The following DTNBP1 variants were observed in gnomAD, a reference collection of about 807,000 sequenced individuals.
DTNBP1 encodes dysbindin.
In DTNBP1, 35 loss-of-function variants were observed where a neutral mutation model predicts 42.8. The observed-to-expected ratio is 0.82, with a 90% confidence interval of 0.63 to 1.09. The LOEUF is 1.09. Ranked by LOEUF, DTNBP1 falls within the 50% of genes least tolerant of loss-of-function variation. DTNBP1 has a pLI of 0.00. For missense variants in DTNBP1, 457 were observed against 424.2 expected (o/e 1.08, Z -0.68); for synonymous variants, 171 against 162.2 (o/e 1.05, Z -0.41).
rs143038438 is a variant in DTNBP1, at chr6:15,630,106, G to C, written c.223-2631C>G. 8.5e-3 allele frequency among the ~76,000 whole-genome samples: 1,298 copies of C among 152,194 alleles called. 22 individuals are homozygous for C. Among genetic ancestry groups the C allele is most frequent in the African/African-American group, 0.029 (1,216 of 41,494 alleles). On this transcript the variant is annotated intron_variant, in intron 4 of 9. Coordinates refer to ENST00000344537, the MANE Select transcript of DTNBP1 (RefSeq NM_032122.5). ...GTGCTTTATTCCAAAATTCTTTCTG[G>C]ATATTGAGGTTAGGAGAAGGAAGAA...
chr6:15,547,667 C>T (rs1033407036), intron 7 of DTNBP1, among the ~76,000 whole-genome samples: 6 of 152,156 alleles, frequency 3.9e-5, no homozygotes, highest in Non-Finnish European at 5.9e-5. Context: ...GTGACAATAA[C>T]GGATAAGCCC....
At chr6:15,634,538 G>A (rs548455816) in intron 4 of DTNBP1, among the ~76,000 whole-genome samples, 18 of 152,102 alleles carry the variant, frequency 1.2e-4, no homozygotes, top group Non-Finnish European at 2.1e-4. Flanking sequence ...GGCTGGTCTC[G>A]AACTCCTGAC....
At chr6:15,528,043 C>A (rs944922457) in intron 8 of DTNBP1, among the ~76,000 whole-genome samples, 3 of 152,162 alleles carry the variant, frequency 2.0e-5, no homozygotes, top group Non-Finnish European at 4.4e-5. Flanking sequence ...GATCCAATAC[C>A]ACTAAGAGGT....
intron 5 of DTNBP1, among the ~76,000 whole-genome samples, chr6:15,620,027 G>A (rs1758951984): frequency 1.3e-5 from 2 of 151,918 alleles, no homozygotes; most frequent in Admixed American, 1.3e-4. Context: ...ATTTGGTCGG[G>A]GGGGAATAAC....
chr6:15,628,613 G>T (rs1369255125), intron 4 of DTNBP1, among the ~76,000 whole-genome samples: 1 of 151,788 alleles, frequency 6.6e-6, no homozygotes, highest in East Asian at 1.9e-4. Context: ...CACCAAGTTG[G>T]CCAGGCTGGT....
rs536213462 is a variant in DTNBP1, at chr6:15,546,097, G to C, written c.512-12702C>G. On this transcript the variant is annotated intron_variant, in intron 7 of 9. Coordinates refer to ENST00000344537, the MANE Select transcript of DTNBP1 (RefSeq NM_032122.5). ...TTTTTTTTTTTTGAGACAGAGTCTT[G>C]CTCTGTTGCCCAGGCTGGAGTGCAA... 980 of 377,988 alleles carry C rather than the reference G, an allele frequency of 2.6e-3. 9 individuals are homozygous for C. The highest frequency in any genetic ancestry group is 0.019 in the Middle Eastern group (37 of 1,992). The allele number at this position is 377,988 out of a possible 1,614,324, so 23.4% of individuals were successfully genotyped here. A position where few individuals can be genotyped will look rare whatever the true frequency, so the allele number is the denominator to read the frequency against.
At chr6:15,607,562 A>G (rs1758148270) in intron 6 of DTNBP1, among the ~76,000 whole-genome samples, 1 of 152,164 alleles carries the variant, frequency 6.6e-6, no homozygotes, top group Non-Finnish European at 1.5e-5. Flanking sequence ...TCAGCCTCCC[A>G]AAGTCCTGGG....
intron 7 of DTNBP1, among the ~76,000 whole-genome samples, chr6:15,544,576 G>A (rs1773766305): frequency 6.6e-6 from 1 of 152,086 alleles, no homozygotes; most frequent in South Asian, 2.1e-4. Flanking sequence ...GCATTTGCTG[G>A]GACTTACTAA....
intron 7 of DTNBP1, among the ~76,000 whole-genome samples, chr6:15,558,726 T>G (rs1460344768): frequency 1.3e-5 from 2 of 152,238 alleles, no homozygotes; most frequent in African/African-American, 4.8e-5. Context: ...AATAATCTGT[T>G]TATGACTTTC....
intron 3 of DTNBP1, 131 bp downstream of exon 3, chr6:15,651,181 TA>T: frequency 1.2e-6 from 1 of 846,832 alleles, no homozygotes; most frequent in Non-Finnish European, 2.0e-6. Context: ...AAATAATACA[TA>T]AATAATTTCC....
At chr6:15,531,741 C>A (rs1772843780) in intron 8 of DTNBP1, among the ~76,000 whole-genome samples, 1 of 152,176 alleles carries the variant, frequency 6.6e-6, no homozygotes, top group Non-Finnish European at 1.5e-5. Context: ...TCAAGTGATT[C>A]TCCTGCCTCA....
intron 4 of DTNBP1, among the ~76,000 whole-genome samples, chr6:15,634,212 T>C (rs145601342): frequency 9.9e-4 from 151 of 152,362 alleles, no homozygotes; most frequent in African/African-American, 3.4e-3. Context: ...TGCAGATATA[T>C]TCACATTTAC....
intron 4 of DTNBP1, among the ~76,000 whole-genome samples, chr6:15,631,147 T>C (rs1228082342): frequency 6.6e-6 from 1 of 152,162 alleles, no homozygotes; most frequent in Non-Finnish European, 1.5e-5. Context: ...ACAAAATAAA[T>C]TTACAAAATG....
At position 15,527,459 on chromosome 6, in the gene DTNBP1, A is replaced by G. The variant is rs7740242; in HGVS notation, c.668-2790T>C. On this transcript the variant is annotated intron_variant, in intron 8 of 9. Coordinates refer to ENST00000344537, the MANE Select transcript of DTNBP1 (RefSeq NM_032122.5). ...AAACAGTTCACAAATCAAATATGAA[A>G]TGCTAATGATAAAATTTACCCAGAA... 2.1e-3 allele frequency among the ~76,000 whole-genome samples: 324 copies of G among 152,352 alleles called. 2 individuals are homozygous for G. The highest frequency in any genetic ancestry group is 7.0e-3 in the African/African-American group (289 of 41,580).
At chr6:15,579,215 T>TA (rs1451345693) in intron 7 of DTNBP1, among the ~76,000 whole-genome samples, 4 of 151,984 alleles carry the variant, frequency 2.6e-5, no homozygotes, top group Non-Finnish European at 5.9e-5. Context: ...TATTCAGCCA[T>TA]AAAAAAGAAC....
chr6:15,605,560 CT>C (rs978147049), intron 6 of DTNBP1, among the ~76,000 whole-genome samples: 36 of 152,058 alleles, frequency 2.4e-4, no homozygotes, highest in Admixed American at 7.9e-4. Context: ...TGAAATTATT[CT>C]TTTTTTCTTT....
intron 1 of DTNBP1, among the ~76,000 whole-genome samples, chr6:15,660,184 G>C (rs913070383): frequency 3.3e-5 from 5 of 152,146 alleles, no homozygotes; most frequent in Non-Finnish European, 7.4e-5. Context: ...TATGTAATAT[G>C]TTTCTTTTTT....
At chr6:15,539,466 A>G (rs567511599) in intron 7 of DTNBP1, among the ~76,000 whole-genome samples, 17 of 152,334 alleles carry the variant, frequency 1.1e-4, no homozygotes, top group African/African-American at 3.1e-4. Context: ...TATGGAAGCC[A>G]GTTCTGTGTG....
intron 1 of DTNBP1, among the ~76,000 whole-genome samples, chr6:15,662,437 C>T (rs1465179269): frequency 6.6e-6 from 1 of 152,198 alleles, no homozygotes; most frequent in Admixed American, 6.5e-5. Flanking sequence ...GGCCGAGGGG[C>T]GCAGGCCACT....
Sources: allele counts gnomAD v4.1 joint callset (sites outside exome capture counted in the v4.1 genomes callset), GRCh38; gene constraint gnomAD v4.1.1; transcripts MANE v1.5; gene names NCBI Gene and HGNC (gene_info 2026-07-23, HGNC 2026-07-21).